Variants in CREB5 observed in about 807,000 individuals in gnomAD.
CREB5 encodes cAMP responsive element binding protein 5, also known as cyclic AMP-responsive element-binding protein 5.
CREB5 carries 19 observed loss-of-function variants against 57.1 expected under a neutral mutation model. That is an observed-to-expected ratio of 0.33 (90% CI 0.23 to 0.49). CREB5 has a LOEUF of 0.49. CREB5 is among the 20% of genes least tolerant of loss of function. CREB5 has a pLI of 0.99. For synonymous variants in CREB5, 238 were observed against 238.3 expected, an observed-to-expected ratio of 1.00 and a Z score of 0.01; for missense variants, 579 against 671.6, an observed-to-expected ratio of 0.86 and a Z score of 1.52.
chr7:28,545,088 C>A (rs978626220), intron 4 of CREB5, among the ~76,000 whole-genome samples: 3 of 152,150 alleles, frequency 2.0e-5, no homozygotes, highest in Admixed American at 2.0e-4. Flanking sequence ...CATTTCAGCA[C>A]TGCTTAGATC....
chr7:28,673,659 T>C (rs76797508), intron 5 of CREB5, among the ~76,000 whole-genome samples: 15 of 8,618 alleles, frequency 1.7e-3, no homozygotes, highest in East Asian at 9.6e-3. Flanking sequence ...CTCTCTCTCT[T>C]TTTTTTTTTT....
At chr7:28,577,619 G>A (rs911405284) in intron 5 of CREB5, among the ~76,000 whole-genome samples, 1 of 152,148 alleles carries the variant, frequency 6.6e-6, no homozygotes, top group Non-Finnish European at 1.5e-5. Flanking sequence ...AGTGATAATG[G>A]CCAGAGCCAG....
At chr7:28,520,479 A>G (rs1793158920) in intron 4 of CREB5, among the ~76,000 whole-genome samples, 2 of 152,030 alleles carry the variant, frequency 1.3e-5, no homozygotes. Context: ...ACTTCCTGCA[A>G]CTCCCTGGCA....
At chr7:28,736,813 T>G (rs1366215866) in intron 7 of CREB5, among the ~76,000 whole-genome samples, 2 of 115,094 alleles carry the variant, frequency 1.7e-5, no homozygotes, top group African/African-American at 3.0e-5. Flanking sequence ...ACTTAGGCTC[T>G]CTCTCTCTCT....
intron 7 of CREB5, among the ~76,000 whole-genome samples, chr7:28,796,092 A>G (rs931423327): frequency 2.6e-5 from 4 of 152,130 alleles, no homozygotes; most frequent in Non-Finnish European, 5.9e-5. Context: ...AGTGCCATTT[A>G]GTACATTCGA....
intron 5 of CREB5, among the ~76,000 whole-genome samples, chr7:28,660,689 T>C (rs1799577522): frequency 6.6e-6 from 1 of 152,186 alleles, no homozygotes; most frequent in Non-Finnish European, 1.5e-5. Context: ...TATTTAAATA[T>C]GGAATTATGC....
intron 1 of CREB5, among the ~76,000 whole-genome samples, chr7:28,301,954 A>G (rs1376466465): frequency 6.6e-6 from 1 of 152,256 alleles, no homozygotes; most frequent in Non-Finnish European, 1.5e-5. Flanking sequence ...GAGTGAAGTC[A>G]GAGCTTTGAT....
At chr7:28,528,467 G>T (rs1489733235) in intron 4 of CREB5, among the ~76,000 whole-genome samples, 1 of 152,214 alleles carries the variant, frequency 6.6e-6, no homozygotes, top group Non-Finnish European at 1.5e-5. Flanking sequence ...CACTTTGGGA[G>T]GCTGAGGCGG....
At chr7:28,496,883 A>T (rs879573045) in intron 3 of CREB5, among the ~76,000 whole-genome samples, 1 of 152,032 alleles carries the variant, frequency 6.6e-6, no homozygotes, top group Non-Finnish European at 1.5e-5. Flanking sequence ...ACTCAAATTC[A>T]TAAGAATTAT....
chr7:28,735,809 C>G (rs1401971523), intron 7 of CREB5, among the ~76,000 whole-genome samples: 1 of 151,660 alleles, frequency 6.6e-6, no homozygotes, highest in Non-Finnish European at 1.5e-5. Flanking sequence ...CTTCCTCTCT[C>G]TCTCTTTTTT....
At chr7:28,634,837 TTA>T (rs1275157346) in intron 5 of CREB5, among the ~76,000 whole-genome samples, 4 of 152,198 alleles carry the variant, frequency 2.6e-5, no homozygotes, top group Non-Finnish European at 5.9e-5. Flanking sequence ...TCATGTATTT[TTA>T]TGTTTTATAC....
chr7:28,440,675 G>T (rs1789149533), intron 1 of CREB5, among the ~76,000 whole-genome samples: 1 of 152,206 alleles, frequency 6.6e-6, no homozygotes, highest in Non-Finnish European at 1.5e-5. Flanking sequence ...ATATGATGGG[G>T]CACACAGAGC....
At chr7:28,762,643 AC>A (rs1419209508) in intron 7 of CREB5, among the ~76,000 whole-genome samples, 1 of 152,154 alleles carries the variant, frequency 6.6e-6, no homozygotes, top group Non-Finnish European at 1.5e-5. Context: ...AGAAAACAAA[AC>A]AAAAATCCAA....
chr7:28,477,844 G>A (rs772604643), intron 1 of CREB5, among the ~76,000 whole-genome samples: 4 of 152,192 alleles, frequency 2.6e-5, no homozygotes, highest in Non-Finnish European at 5.9e-5. Flanking sequence ...GCTGGGCATG[G>A]TGGCTCACAC....
At chr7:28,565,727 C>T (rs1036970090) in intron 4 of CREB5, among the ~76,000 whole-genome samples, 2 of 152,126 alleles carry the variant, frequency 1.3e-5, no homozygotes, top group Admixed American at 1.3e-4. Context: ...TCAAGACCAG[C>T]TTGGCCAACA....
intron 7 of CREB5, among the ~76,000 whole-genome samples, chr7:28,792,199 G>A (rs1461818124): frequency 6.6e-6 from 1 of 152,122 alleles, no homozygotes; most frequent in Non-Finnish European, 1.5e-5. Context: ...AGCTACTTGG[G>A]AGGCTGAGGC....
chr7:28,757,546 G>A (rs1392170999), intron 7 of CREB5, among the ~76,000 whole-genome samples: 6 of 151,960 alleles, frequency 3.9e-5, no homozygotes, highest in Non-Finnish European at 7.4e-5. Flanking sequence ...GGTGGCGGGC[G>A]CCTGTAGTCC....
chr7:28,403,928 A>G (rs1373025176), intron 1 of CREB5, among the ~76,000 whole-genome samples: 4 of 152,210 alleles, frequency 2.6e-5, no homozygotes, highest in African/African-American at 9.6e-5. Flanking sequence ...ATTAGCATTA[A>G]TTTTACTGTT....
At chr7:28,570,732 T>G (rs1027354280) in intron 5 of CREB5, among the ~76,000 whole-genome samples, 195 bp downstream of exon 5, 2 of 152,076 alleles carry the variant, frequency 1.3e-5, no homozygotes, top group Admixed American at 6.5e-5. Flanking sequence ...TCTTGGACTT[T>G]GGGTGGTAGG....
Sources: gnomAD v4.1 joint callset for allele counts (sites outside exome capture counted in the v4.1 genomes callset) on GRCh38, gnomAD v4.1.1 for gene constraint, MANE v1.5 for transcripts, NCBI Gene and HGNC (gene_info 2026-07-23, HGNC 2026-07-21) for gene names.